FHIT: variants seen among roughly 807,000 people sequenced by gnomAD.
FHIT encodes the protein bis(5'-adenosyl)-triphosphatase.
In FHIT, 19 loss-of-function variants were observed where a neutral mutation model predicts 17.9. The ratio of observed to expected loss-of-function variants is 1.06; its 90% CI spans 0.74 to 1.56. The LOEUF (loss-of-function observed/expected upper bound fraction) is 1.56. Ranked by LOEUF, FHIT falls within the 40% of genes most tolerant of loss-of-function variation. The pLI, the probability that FHIT is intolerant of heterozygous loss-of-function variation, is 0.00. For missense variants in FHIT, 248 were observed against 189.2 expected, an observed-to-expected ratio of 1.31 and a Z score of -1.82; for synonymous variants, 81 against 69.7, an observed-to-expected ratio of 1.16 and a Z score of -0.81.
chr3:59,878,440 G>A (rs564821073), intron 8 of FHIT, among the ~76,000 whole-genome samples: 1 of 152,198 alleles, frequency 6.6e-6, no homozygotes, highest in African/African-American at 2.4e-5. Flanking sequence ...GTTGTTATGG[G>A]CTCTAACTAA....
intron 5 of FHIT, among the ~76,000 whole-genome samples, chr3:60,379,550 T>C (rs1050104082): frequency 2.0e-5 from 3 of 152,228 alleles, no homozygotes; most frequent in Non-Finnish European, 2.9e-5. Context: ...CATTGAGTAC[T>C]GTTGGTTCAA....
chr3:59,870,860 T>TGC (rs372261792), intron 8 of FHIT, among the ~76,000 whole-genome samples: 2,598 of 106,768 alleles, frequency 0.024, 77 homozygotes, highest in African/African-American at 0.065. Context: ...AAAGGGCGTG[T>TGC]GTGTGTGTGT....
At chr3:61,085,325 T>C (rs546151892) in intron 2 of FHIT, among the ~76,000 whole-genome samples, 1 of 152,284 alleles carries the variant, frequency 6.6e-6, no homozygotes, top group East Asian at 1.9e-4. Flanking sequence ...CCTTTTTTAC[T>C]TTAGCCATCC....
chr3:60,426,658 C>A (rs1702679293), intron 5 of FHIT, among the ~76,000 whole-genome samples: 1 of 152,114 alleles, frequency 6.6e-6, no homozygotes, highest in Non-Finnish European at 1.5e-5. Context: ...AGTCAACACC[C>A]TCTCTAGAAC....
intron 5 of FHIT, among the ~76,000 whole-genome samples, chr3:60,393,989 A>C (rs1364837550): frequency 6.6e-6 from 1 of 152,154 alleles, no homozygotes; most frequent in Non-Finnish European, 1.5e-5. Flanking sequence ...CTGGACCAAG[A>C]GCAAACTCTG....
chr3:60,538,106 G>T (rs1266574806), intron 4 of FHIT, among the ~76,000 whole-genome samples: 2 of 152,020 alleles, frequency 1.3e-5, no homozygotes, highest in Non-Finnish European at 2.9e-5. Flanking sequence ...TCAGGATGGG[G>T]TTGATCACAA....
intron 8 of FHIT, among the ~76,000 whole-genome samples, chr3:59,765,201 C>G (rs1168606014): frequency 6.6e-6 from 1 of 152,196 alleles, no homozygotes. Context: ...CAGTGCCACT[C>G]AAGGGTTTAA....
At chr3:60,866,614 A>G (rs1049949796) in intron 3 of FHIT, among the ~76,000 whole-genome samples, 4 of 152,158 alleles carry the variant, frequency 2.6e-5, no homozygotes, top group Admixed American at 2.0e-4. Context: ...CCAAAATAAC[A>G]TGAGATAGTA....
At chr3:59,751,973 A>AG (rs1483720636) in intron 9 of FHIT, 12 of 416,254 alleles carry the variant, frequency 2.9e-5, no homozygotes, top group Non-Finnish European at 4.7e-5. Flanking sequence ...GACTGGAGAA[A>AG]GGTGGTGGTG....
chr3:61,038,173 C>T (rs2033346097), intron 3 of FHIT, among the ~76,000 whole-genome samples: 1 of 152,210 alleles, frequency 6.6e-6, no homozygotes, highest in Non-Finnish European at 1.5e-5. Flanking sequence ...CCTGCCAAAA[C>T]CAATGATGAA....
Position 60,910,557 on chromosome 3 carries a change from G to T in FHIT, c.-110-88546C>A, listed in dbSNP as rs139456418. On this transcript the variant is annotated intron_variant, in intron 3 of 9. Transcript: ENST00000492590. ...CTCCCGAGTAGCTGGGACTACAGGC[G>T]CCCACCACCACGCCCGGCTAATTTT... Among the ~76,000 whole-genome samples the T allele has an allele frequency of 4.6e-5, 7 of 151,926 alleles. No homozygotes were observed. The East Asian group carries it at 1.4e-3, about 30-fold the overall frequency.
At chr3:60,809,545 G>A (rs2106708029) in intron 4 of FHIT, among the ~76,000 whole-genome samples, 1 of 152,248 alleles carries the variant, frequency 6.6e-6, no homozygotes, top group Non-Finnish European at 1.5e-5. Context: ...ACTCTCCTCT[G>A]AAGTTTCACT....
At chr3:61,247,264 C>T (rs928479581) in intron 1 of FHIT, among the ~76,000 whole-genome samples, 9 of 152,146 alleles carry the variant, frequency 5.9e-5, no homozygotes, top group Non-Finnish European at 4.4e-5. Flanking sequence ...TTCCCTGTTC[C>T]CTGCATCACT....
intron 3 of FHIT, among the ~76,000 whole-genome samples, chr3:61,028,613 T>A (rs779217701): frequency 1.3e-5 from 2 of 152,200 alleles, no homozygotes; most frequent in Non-Finnish European, 2.9e-5. Context: ...TCCAAGTTAC[T>A]TGGCCTCTCT....
chr3:59,993,217 C>T (rs943610121), intron 7 of FHIT, among the ~76,000 whole-genome samples: 4 of 152,036 alleles, frequency 2.6e-5, no homozygotes, highest in Non-Finnish European at 4.4e-5. Flanking sequence ...CATGTTGCCT[C>T]CTATTTCTGG....
chr3:60,461,870 T>G (rs2032489265), intron 5 of FHIT, among the ~76,000 whole-genome samples: 1 of 152,064 alleles, frequency 6.6e-6, no homozygotes, highest in Non-Finnish European at 1.5e-5. Flanking sequence ...AGCTTCCAAA[T>G]AAGATTGAAA....
In FHIT at chr3:61,208,566, C is replaced by T. The variant is rs369127456; in HGVS notation, c.-212-7901G>A. Among the ~76,000 whole-genome samples, 13 of 152,074 alleles carry T rather than the reference C, an allele frequency of 8.5e-5. No homozygotes were observed. The Middle Eastern group carries it at 0.01, about 119-fold the overall frequency. ...TTGAATTGATCCCTTTACCATTATG[C>T]AATGGCCTTCTTTGTCTCTTTTGAT... On this transcript the variant is annotated intron_variant, in intron 1 of 9. Coordinates refer to ENST00000492590, the MANE Select transcript of FHIT (RefSeq NM_002012.4).
intron 7 of FHIT, among the ~76,000 whole-genome samples, chr3:60,010,967 A>G (rs1159656018): frequency 2.0e-5 from 3 of 152,192 alleles, no homozygotes; most frequent in South Asian, 2.1e-4. Context: ...CTCAAAAACA[A>G]TGAAGCAAAA....
At chr3:60,356,522 C>T (rs1485470837) in intron 5 of FHIT, among the ~76,000 whole-genome samples, 1 of 151,896 alleles carries the variant, frequency 6.6e-6, no homozygotes, top group African/African-American at 2.4e-5. Context: ...ATTGTCCTGC[C>T]ACTCCATTCT....
Sources: gnomAD v4.1 joint callset for allele counts (sites outside exome capture counted in the v4.1 genomes callset) on GRCh38, gnomAD v4.1.1 for gene constraint, MANE v1.5 for transcripts, NCBI Gene and HGNC (gene_info 2026-07-23, HGNC 2026-07-21) for gene names.